The following TYW1 variants were observed in gnomAD, a reference collection of about 807,000 sequenced individuals.
TYW1 encodes tRNA-yW synthesizing protein 1 homolog.
Under a neutral mutation model 96.2 loss-of-function variants are expected in TYW1, and 46 were observed. The ratio of observed to expected loss-of-function variants is 0.48; its 90% CI spans 0.38 to 0.61. The LOEUF (loss-of-function observed/expected upper bound fraction) is 0.61, where lower values mean the gene tolerates loss of function less well. Among genes scored for constraint, TYW1 ranks in the 20% least tolerant of loss-of-function variants. The probability of loss-of-function intolerance (pLI) is 0.00; values close to 1 mark genes in which losing one functional copy is unlikely to be tolerated. For missense variants in TYW1, 684 were observed against 909.6 expected, an observed-to-expected ratio of 0.75 and a Z score of 3.19; for synonymous variants, 274 against 323.0, an observed-to-expected ratio of 0.85 and a Z score of 1.63.
chr7:67,014,693 T>G (rs947139124), intron 5 of TYW1, 132 bp downstream of exon 5: 7 of 1,075,932 alleles, frequency 6.5e-6, no homozygotes, highest in African/African-American at 1.6e-5. Context: ...ATCCACAAAC[T>G]TTGGTAGCTA....
At chr7:67,007,682 G>A (rs773501341) in intron 3 of TYW1, among the ~76,000 whole-genome samples, 9 of 152,016 alleles carry the variant, frequency 5.9e-5, no homozygotes, top group Non-Finnish European at 1.0e-4. Flanking sequence ...GTCCAGGCTG[G>A]AGTGCAGTGT....
chr7:67,209,143 A>G (rs992241704), intron 15 of TYW1, among the ~76,000 whole-genome samples: 1 of 152,178 alleles, frequency 6.6e-6, no homozygotes, highest in Admixed American at 6.5e-5. Flanking sequence ...CAGAAAGCTC[A>G]ATGACCTTGG....
intron 4 of TYW1, among the ~76,000 whole-genome samples, chr7:67,011,057 A>G (rs1284456132): frequency 2.0e-5 from 3 of 151,756 alleles, no homozygotes; most frequent in Admixed American, 6.6e-5. Context: ...CTTTTTTTTT[A>G]ATGGAGTTTC....
chr7:67,178,008 A>AG (rs1321440865), intron 13 of TYW1, among the ~76,000 whole-genome samples: 8 of 149,952 alleles, frequency 5.3e-5, no homozygotes, highest in Non-Finnish European at 1.0e-4. Context: ...AAAAAAGAAA[A>AG]AAAAAAAAAG....
At chr7:67,006,130 G>T (rs967850860) in intron 3 of TYW1, among the ~76,000 whole-genome samples, 3 of 152,066 alleles carry the variant, frequency 2.0e-5, no homozygotes, top group African/African-American at 7.2e-5. Flanking sequence ...GGGGCTTGGC[G>T]GGAGGTGCTT....
chr7:66,998,894 G>T lies in TYW1; in HGVS notation c.213G>T (p.Glu71Asp). 6.2e-7 allele frequency: 1 copy of T among 1,614,152 alleles called. No homozygotes were observed. Among genetic ancestry groups the T allele is most frequent in the Non-Finnish European group, 8.5e-7 (1 of 1,180,024 alleles). Residue 71 changes from glutamate (E) to aspartate (D), a missense_variant, in exon 3 of 16, where the codon GAG becomes GAT. By Grantham distance (45) the Glu-to-Asp change is conservative. Coordinates refer to ENST00000359626, the MANE Select transcript of TYW1 (RefSeq NM_018264.4). ...CAAATGGTTATGTCTCCCTTCAAGAGAAAGACATCTTTGTGTCTGGAGTGA... is the reference window on the plus strand; with the variant it reads ...CAAATGGTTATGTCTCCCTTCAAGATAAAGACATCTTTGTGTCTGGAGTGA... Reference protein sequence around the residue: ...LMTNGYVSLQEKDIFVSGVKI... With the variant: ...LMTNGYVSLQDKDIFVSGVKI...
At chr7:67,079,863 A>G (rs562480334) in intron 10 of TYW1, among the ~76,000 whole-genome samples, 1 of 152,116 alleles carries the variant, frequency 6.6e-6, no homozygotes, top group East Asian at 1.9e-4. Flanking sequence ...GCTGTTCAAG[A>G]GTGTGCTATT....
chr7:67,205,780 CCTTTA>C lies in TYW1; in HGVS notation c.1977+10447_1977+10451del, dbSNP rs1800775682. ...TGTTCCTGCTGTCCTAAGAGAGCAGCCTTTACTTGGGACTCTTTTTTTTTTAATCC... is the reference window on the plus strand; with the variant it reads ...TGTTCCTGCTGTCCTAAGAGAGCAGCCTTGGGACTCTTTTTTTTTTAATCC... On this transcript the variant is annotated intron_variant, in intron 15 of 15. Coordinates refer to ENST00000359626, the MANE Select transcript of TYW1 (RefSeq NM_018264.4). Among the ~76,000 whole-genome samples, 4 of 147,988 alleles carry C rather than the reference CCTTTA, an allele frequency of 2.7e-5. No individual in the cohort carries two copies. In the South Asian group the frequency reaches 8.7e-4, roughly 32 times the overall value.
chr7:67,153,619 A>G (rs1342409629), intron 13 of TYW1, among the ~76,000 whole-genome samples: 2 of 152,228 alleles, frequency 1.3e-5, no homozygotes, highest in Non-Finnish European at 2.9e-5. Context: ...ATATACAGAA[A>G]TATAAAAATG....
At chr7:67,167,468 CAAAAAAAA>C (rs869281504) in intron 13 of TYW1, among the ~76,000 whole-genome samples, 13 of 78,808 alleles carry the variant, frequency 1.6e-4, no homozygotes, top group Admixed American at 3.3e-4. Context: ...GACTCTGTCT[CAAAAAAAA>C]AAAAAAAAAA....
At chr7:67,153,340 C>A (rs1336318967) in intron 13 of TYW1, among the ~76,000 whole-genome samples, 1 of 152,136 alleles carries the variant, frequency 6.6e-6, no homozygotes, top group East Asian at 1.9e-4. Flanking sequence ...TCTATAATCC[C>A]AGCTGCTTGG....
intron 13 of TYW1, among the ~76,000 whole-genome samples, chr7:67,140,374 GAA>G (rs200778624): frequency 2.9e-5 from 4 of 137,564 alleles, no homozygotes; most frequent in African/African-American, 5.4e-5. Flanking sequence ...GAATAATTCT[GAA>G]AAAAAAAAAG....
At chr7:67,176,804 A>G (rs1387273753) in intron 13 of TYW1, among the ~76,000 whole-genome samples, 1 of 152,160 alleles carries the variant, frequency 6.6e-6, no homozygotes, top group African/African-American at 2.4e-5. Flanking sequence ...CATTGGCACC[A>G]TCGACATTTT....
chr7:67,003,978 A>AGGT (rs1256294995), intron 3 of TYW1, among the ~76,000 whole-genome samples: 1 of 152,226 alleles, frequency 6.6e-6, no homozygotes, highest in Non-Finnish European at 1.5e-5. Flanking sequence ...CGGGAGGCAG[A>AGGT]GGTTGCAGTG....
rs541637965 is a variant in TYW1, at chr7:67,011,804, C to T, written c.375+2120C>T. On this transcript the variant is annotated intron_variant, in intron 4 of 15. Coordinates refer to ENST00000359626, the MANE Select transcript of TYW1 (RefSeq NM_018264.4). ...AGGAGAATTGCTTGAACCTGGGAGG[C>T]GGAGGTCGCAGTGAGCCAAGATCGT... Among the ~76,000 whole-genome samples, 18 of 148,890 alleles carry T rather than the reference C, an allele frequency of 1.2e-4. No individual in the cohort carries two copies. The South Asian group carries it at 2.1e-3, about 18-fold the overall frequency.
At chr7:67,069,934 A>C (rs1795982448) in intron 10 of TYW1, among the ~76,000 whole-genome samples, 1 of 151,824 alleles carries the variant, frequency 6.6e-6, no homozygotes, top group Non-Finnish European at 1.5e-5. Flanking sequence ...TTAGCAGTGA[A>C]CTCCCTCAGC....
At chr7:67,177,341 T>G (rs1303421610) in intron 13 of TYW1, among the ~76,000 whole-genome samples, 1 of 151,664 alleles carries the variant, frequency 6.6e-6, no homozygotes, top group African/African-American at 2.4e-5. Context: ...AACACTAATA[T>G]GAAAGAAACG....
At chr7:67,081,875 ATTGT>A (rs964636546) in intron 10 of TYW1, among the ~76,000 whole-genome samples, 9 of 141,292 alleles carry the variant, frequency 6.4e-5, no homozygotes, top group African/African-American at 2.4e-4. Flanking sequence ...AAATTCAGAC[ATTGT>A]TTGTTCTCCT....
At chr7:67,081,984 T>C (rs1313999614) in intron 10 of TYW1, among the ~76,000 whole-genome samples, 4 of 150,406 alleles carry the variant, frequency 2.7e-5, no homozygotes, top group Non-Finnish European at 5.9e-5. Flanking sequence ...TTTTGTGATA[T>C]CTATCTCTCT....
Sources: allele counts gnomAD v4.1 joint callset (sites outside exome capture counted in the v4.1 genomes callset), GRCh38; gene constraint gnomAD v4.1.1; transcripts MANE v1.5; gene names NCBI Gene and HGNC (gene_info 2026-07-23, HGNC 2026-07-21).